The following EYA2 variants were observed in gnomAD, a reference collection of about 807,000 sequenced individuals.
EYA2 encodes the protein EYA transcriptional coactivator and phosphatase 2.
EYA2 carries 31 observed loss-of-function variants against 69.2 expected under a neutral mutation model. The observed-to-expected ratio is 0.45, with a 90% confidence interval of 0.34 to 0.60. EYA2 has a LOEUF of 0.60. Among genes scored for constraint, EYA2 ranks in the 20% least tolerant of loss-of-function variants. EYA2 has a pLI of 0.02. For synonymous variants in EYA2, 257 were observed against 279.4 expected (o/e 0.92, Z 0.80); for missense variants, 622 against 701.2 (o/e 0.89, Z 1.28).
chr20:47,113,033 G>A (rs113644115), intron 9 of EYA2, among the ~76,000 whole-genome samples: 3,041 of 151,698 alleles, frequency 0.02, 113 homozygotes, highest in African/African-American at 0.069. Context: ...CACCACGCCC[G>A]GCTAATTTTT....
intron 5 of EYA2, among the ~76,000 whole-genome samples, chr20:47,044,408 T>C (rs1189432183): frequency 6.6e-6 from 1 of 152,138 alleles, no homozygotes; most frequent in East Asian, 1.9e-4. Flanking sequence ...CAACAGTCAA[T>C]ACTCACAGTG....
rs1261144481 is a variant in EYA2 at position 47,179,278 on chromosome 20, G to GTGGGTGGA, written c.1199-504_1199-497dup. On this transcript the variant is annotated intron_variant, in intron 12 of 15. Transcript: ENST00000327619. ...GGTGGGTAGATGGGTGGATGGGTGT[G>GTGGGTGGA]TGGGTGGATGGGTGGATGGGTGGGT... is the stretch of plus-strand genomic sequence containing the variant. Among the ~76,000 whole-genome samples, 79 of 134,720 alleles carry GTGGGTGGA rather than the reference G, an allele frequency of 5.9e-4. 1 individual carries two copies. The highest frequency in any genetic ancestry group is 2.2e-3 in the African/African-American group (78 of 36,124). The allele number at this position is 134,720 out of a possible 152,430, so 88.4% of individuals were successfully genotyped here. A position where few individuals can be genotyped will look rare whatever the true frequency, so the allele number is the denominator to read the frequency against.
At chr20:46,935,230 A>G (rs1037877317) in intron 1 of EYA2, among the ~76,000 whole-genome samples, 4 of 152,248 alleles carry the variant, frequency 2.6e-5, no homozygotes, top group African/African-American at 7.2e-5. Flanking sequence ...CCACCAGGGC[A>G]GCCTGCTGGG....
At chr20:46,930,514 G>A (rs1291107030) in intron 1 of EYA2, among the ~76,000 whole-genome samples, 1 of 152,114 alleles carries the variant, frequency 6.6e-6, no homozygotes, top group Non-Finnish European at 1.5e-5. Flanking sequence ...TGAGACTTCT[G>A]TGGGGCTTCA....
At chr20:47,055,637 C>T (rs2030575989) in intron 5 of EYA2, among the ~76,000 whole-genome samples, 1 of 152,188 alleles carries the variant, frequency 6.6e-6, no homozygotes, top group South Asian at 2.1e-4. Flanking sequence ...CAGATCCTTA[C>T]CCCTCAGGGT....
chr20:47,121,104 G>T (rs2033033012), intron 9 of EYA2, among the ~76,000 whole-genome samples: 1 of 151,584 alleles, frequency 6.6e-6, no homozygotes, highest in South Asian at 2.1e-4. Flanking sequence ...TTGTTGTTGG[G>T]TTTTCTTTGA....
At chr20:47,018,081 G>C (rs112112533) in intron 5 of EYA2, among the ~76,000 whole-genome samples, 2 of 152,180 alleles carry the variant, frequency 1.3e-5, no homozygotes, top group Non-Finnish European at 2.9e-5. Context: ...GATGGCACCG[G>C]CCCTGATAAC....
intron 2 of EYA2, among the ~76,000 whole-genome samples, chr20:46,991,088 T>G (rs1345298436): frequency 6.6e-6 from 1 of 152,204 alleles, no homozygotes; most frequent in African/African-American, 2.4e-5. Flanking sequence ...CATACCCTCA[T>G]TCTTCCTGGC....
At chr20:47,144,392 A>C (rs2033661452) in intron 10 of EYA2, among the ~76,000 whole-genome samples, 1 of 152,118 alleles carries the variant, frequency 6.6e-6, no homozygotes, top group Admixed American at 6.5e-5. Context: ...GGCAATCTAA[A>C]ATAAAACTGT....
Position 47,180,938 on chromosome 20 carries a change from T to C in EYA2, c.1435+2T>C. On this transcript the variant is annotated splice_donor_variant, in intron 14 of 15. Coordinates refer to ENST00000327619, the MANE Select transcript of EYA2 (RefSeq NM_005244.5). LOFTEE classifies it high-confidence loss of function. Reference sequence around the variant, plus strand: ...ACATCTACAGTGCAACCAAGACAGGTAGGGAGAAGCCACACCTCGGCGGGG... The same window carrying C: ...ACATCTACAGTGCAACCAAGACAGGCAGGGAGAAGCCACACCTCGGCGGGG... 2 of 1,613,524 alleles carry C rather than the reference T, an allele frequency of 1.2e-6. No individual in the cohort carries two copies.
At chr20:47,072,382 G>C in intron 6 of EYA2, 130 bp downstream of exon 6, 1 of 847,584 alleles carries the variant, frequency 1.2e-6, no homozygotes, top group South Asian at 1.5e-5. Context: ...CCTGGGTTTG[G>C]AGACTACAGG....
At chr20:46,989,782 T>A (rs571658358) in intron 1 of EYA2, among the ~76,000 whole-genome samples, 1 of 152,336 alleles carries the variant, frequency 6.6e-6, no homozygotes, top group African/African-American at 2.4e-5. Context: ...AATGTTTTAA[T>A]CAACTGGGTG....
chr20:47,091,803 A>G (rs2032095766), intron 8 of EYA2, among the ~76,000 whole-genome samples: 1 of 152,210 alleles, frequency 6.6e-6, no homozygotes, highest in South Asian at 2.1e-4. Flanking sequence ...GGAAAGGACA[A>G]TGAGAGGAGG....
At chr20:47,006,126 G>A (rs139458702) in intron 4 of EYA2, among the ~76,000 whole-genome samples, 1 of 152,188 alleles carries the variant, frequency 6.6e-6, no homozygotes, top group Non-Finnish European at 1.5e-5. Context: ...GCAGTTTCAG[G>A]CTGCAGTGTC....
intron 1 of EYA2, among the ~76,000 whole-genome samples, chr20:46,971,637 C>T (rs530037937): frequency 6.6e-6 from 1 of 152,300 alleles, no homozygotes; most frequent in East Asian, 1.9e-4. Context: ...ACAATCTCTA[C>T]CACGGTGTAC....
rs1274707094 is a variant in EYA2 at position 46,970,642 on chromosome 20, AAAT to A, written c.-10-19353_-10-19351del. Among the ~76,000 whole-genome samples, 4 of 152,232 alleles carry A rather than the reference AAAT, an allele frequency of 2.6e-5. No individual in the cohort carries two copies. In the East Asian group the frequency reaches 5.8e-4, roughly 22 times the overall value. On this transcript the variant is annotated intron_variant, in intron 1 of 15. Coordinates refer to ENST00000327619, the MANE Select transcript of EYA2 (RefSeq NM_005244.5). ...GATGTACATTGGTGGGGGGATGGTTAAATAATAAACTCTGCTACATTATTTCAG... is the reference window on the plus strand; with the variant it reads ...GATGTACATTGGTGGGGGGATGGTTAAATAAACTCTGCTACATTATTTCAG...
At chr20:47,109,259 A>G (rs2032681729) in intron 9 of EYA2, among the ~76,000 whole-genome samples, 1 of 152,036 alleles carries the variant, frequency 6.6e-6, no homozygotes, top group South Asian at 2.1e-4. Flanking sequence ...AGCACTCACT[A>G]TCAATTTTAT....
chr20:47,041,720 G>A lies in EYA2; in HGVS notation c.415+25423G>A, dbSNP rs141022337. 6.3e-3 allele frequency among the ~76,000 whole-genome samples: 953 copies of A among 152,272 alleles called. 7 individuals are homozygous for A. The highest frequency in any genetic ancestry group is 0.02 in the Middle Eastern group (6 of 294). On this transcript the variant is annotated intron_variant, in intron 5 of 15. Coordinates refer to ENST00000327619, the MANE Select transcript of EYA2 (RefSeq NM_005244.5). ...AGTGATGCCTGCCATGACCACGGGA[G>A]GGGAGTTTTAGGATAGGTGCTCAGA...
chr20:46,947,323 T>C (rs1978522626), intron 1 of EYA2, among the ~76,000 whole-genome samples: 1 of 152,128 alleles, frequency 6.6e-6, no homozygotes, highest in Non-Finnish European at 1.5e-5. Context: ...GACCACTGTT[T>C]TTAAACAACT....
Sources: gnomAD v4.1 joint callset for allele counts (sites outside exome capture counted in the v4.1 genomes callset) on GRCh38, gnomAD v4.1.1 for gene constraint, MANE v1.5 for transcripts, NCBI Gene and HGNC (gene_info 2026-07-23, HGNC 2026-07-21) for gene names.